CDH6: variants seen among roughly 807,000 people sequenced by gnomAD.
CDH6 encodes the protein cadherin 6, also known as cadherin-6.
In CDH6, 31 loss-of-function variants were observed where a neutral mutation model predicts 78.0. The ratio of observed to expected loss-of-function variants is 0.40; its 90% CI spans 0.30 to 0.54. The LOEUF (loss-of-function observed/expected upper bound fraction) is 0.54. Among genes scored for constraint, CDH6 ranks in the 20% least tolerant of loss-of-function variants. The pLI is 0.56. For synonymous variants in CDH6, 376 were observed against 368.8 expected (o/e 1.02, Z -0.23); for missense variants, 724 against 975.9 (o/e 0.74, Z 3.44).
At chr5:31,288,328 A>G (rs1743064567) in intron 2 of CDH6, among the ~76,000 whole-genome samples, 1 of 152,222 alleles carries the variant, frequency 6.6e-6, no homozygotes, top group Admixed American at 6.5e-5. Context: ...ATTAACATTC[A>G]AATACAGCAG....
chr5:31,194,197 G>A (rs1740097843), intron 1 of CDH6, among the ~76,000 whole-genome samples: 1 of 152,182 alleles, frequency 6.6e-6, no homozygotes, highest in African/African-American at 2.4e-5. Flanking sequence ...GGCCGCCGCA[G>A]AAGAACCCGC....
chr5:31,310,591 C>A (rs562698234), intron 7 of CDH6, among the ~76,000 whole-genome samples: 70 of 152,354 alleles, frequency 4.6e-4, no homozygotes, highest in Non-Finnish European at 8.4e-4. Flanking sequence ...AGAGGTACTC[C>A]ATGATGTCTC....
chr5:31,293,879 T>C (rs957284083), intron 2 of CDH6, 83 bp from the exon 3 acceptor site: 10 of 836,780 alleles, frequency 1.2e-5, no homozygotes, highest in Admixed American at 2.8e-5. Context: ...TAAAAGTTAA[T>C]GTAGCATGCA....
At chr5:31,308,920 A>G (rs1299426019) in intron 7 of CDH6, among the ~76,000 whole-genome samples, 1 of 152,126 alleles carries the variant, frequency 6.6e-6, no homozygotes, top group Non-Finnish European at 1.5e-5. Flanking sequence ...ATGAGAAAAA[A>G]TATATATCTA....
intron 1 of CDH6, among the ~76,000 whole-genome samples, chr5:31,246,116 T>A (rs1283545157): frequency 6.6e-6 from 1 of 151,916 alleles, no homozygotes; most frequent in Non-Finnish European, 1.5e-5. Flanking sequence ...TTCACTATGT[T>A]GGCCAGGATT....
At chr5:31,265,759 T>C (rs1742325992) in intron 1 of CDH6, among the ~76,000 whole-genome samples, 1 of 150,216 alleles carries the variant, frequency 6.7e-6, no homozygotes, top group South Asian at 2.1e-4. Context: ...TTAGTATTAT[T>C]TAAGACAATG....
intron 6 of CDH6, among the ~76,000 whole-genome samples, chr5:31,302,964 A>AAAGAAAG (rs1238222776): frequency 1.8e-5 from 2 of 111,678 alleles, no homozygotes; most frequent in African/African-American, 3.3e-5. Context: ...AGAAGGAAAG[A>AAAGAAAG]AAAGAAAGAA....
At chr5:31,292,195 C>A (rs1743184842) in intron 2 of CDH6, among the ~76,000 whole-genome samples, 2 of 152,146 alleles carry the variant, frequency 1.3e-5, no homozygotes, top group Non-Finnish European at 2.9e-5. Context: ...CCCAAAGTAT[C>A]TTTTTTGGAA....
In CDH6 at chr5:31,298,156, G is replaced by A. The variant is rs1737663076; in HGVS notation, c.643+748G>A. Among the ~76,000 whole-genome samples, 3 of 152,264 alleles carry A rather than the reference G, an allele frequency of 2.0e-5. 1 individual carries two copies. The highest frequency in any genetic ancestry group is 7.2e-5 in the African/African-American group (3 of 41,566). ...CTGTTTTCTGTATTTTCTCCACAAAGTAGCAACCTATCTTATAATGATTTG... is the reference window on the plus strand; with the variant it reads ...CTGTTTTCTGTATTTTCTCCACAAAATAGCAACCTATCTTATAATGATTTG... On this transcript the variant is annotated intron_variant, in intron 4 of 11. Transcript: ENST00000265071.
chr5:31,292,907 T>C (rs552941897), intron 2 of CDH6, among the ~76,000 whole-genome samples: 2 of 148,432 alleles, frequency 1.3e-5, no homozygotes, highest in East Asian at 4.0e-4. Flanking sequence ...CCTATAGACC[T>C]ATAGTTAGGT....
intron 1 of CDH6, chr5:31,250,269 C>A (rs911413951): frequency 6.6e-6 from 1 of 152,354 alleles, no homozygotes; most frequent in Non-Finnish European, 1.5e-5. Flanking sequence ...GGCAAGGCAA[C>A]TTGTGCATGG....
intron 1 of CDH6, among the ~76,000 whole-genome samples, chr5:31,218,870 C>T (rs1740935016): frequency 6.6e-6 from 1 of 152,202 alleles, no homozygotes; most frequent in Non-Finnish European, 1.5e-5. Context: ...CCACTCTCAT[C>T]CCCTACCACT....
intron 1 of CDH6, among the ~76,000 whole-genome samples, chr5:31,246,648 T>C (rs995414185): frequency 1.3e-5 from 2 of 152,344 alleles, no homozygotes; most frequent in African/African-American, 4.8e-5. Flanking sequence ...AAACATGATT[T>C]TGGCAATAAA....
intron 5 of CDH6, 53 bp from the exon 6 acceptor site, chr5:31,302,058 G>A: frequency 1.6e-6 from 2 of 1,255,502 alleles, no homozygotes; most frequent in Non-Finnish European, 2.2e-6. Context: ...TTTTTATGAT[G>A]ATAAGAGTGT....
chr5:31,228,188 C>T (rs886592524), intron 1 of CDH6, among the ~76,000 whole-genome samples: 6 of 152,202 alleles, frequency 3.9e-5, no homozygotes, highest in African/African-American at 1.4e-4. Flanking sequence ...ACCCACCTGC[C>T]TCCCTCTTTT....
rs190641601 is a variant in CDH6 at position 31,320,611 on chromosome 5, C to T, written c.1883-2207C>T. 3.9e-5 allele frequency among the ~76,000 whole-genome samples: 6 copies of T among 152,260 alleles called. No individual in the cohort carries two copies. In the East Asian group the frequency reaches 1.2e-3, roughly 29 times the overall value. ...AGTATGAAAGGTAGATCATGAGCATCCCTCTGCCCAAAGCCCTGCAGTGCT... is the reference window on the plus strand; with the variant it reads ...AGTATGAAAGGTAGATCATGAGCATTCCTCTGCCCAAAGCCCTGCAGTGCT... On this transcript the variant is annotated intron_variant, in intron 11 of 11. Coordinates refer to ENST00000265071, the MANE Select transcript of CDH6 (RefSeq NM_004932.4).
intron 1 of CDH6, among the ~76,000 whole-genome samples, chr5:31,248,563 C>T (rs1214787031): frequency 2.0e-5 from 3 of 152,156 alleles, no homozygotes; most frequent in East Asian, 3.8e-4. Flanking sequence ...ATTCTTGAGA[C>T]TTCGGGTTAA....
rs982918594 is a variant in CDH6, at chr5:31,296,096, C to T, written c.524-1193C>T. Among the ~76,000 whole-genome samples the T allele has an allele frequency of 5.9e-5, 9 of 152,146 alleles. No homozygotes were observed. The South Asian group carries it at 1.9e-3, about 32-fold the overall frequency. On this transcript the variant is annotated intron_variant, in intron 3 of 11. Transcript: ENST00000265071. ...GCATCCAACCCTAACATACTACAAT[C>T]TATTTCTTCAATAAGTGAAATTGGC...
intron 7 of CDH6, among the ~76,000 whole-genome samples, chr5:31,307,106 T>A (rs997581464): frequency 1.3e-5 from 2 of 151,992 alleles, no homozygotes; most frequent in African/African-American, 4.8e-5. Context: ...CCAGAGAGGT[T>A]TGATAGCTGA....
Sources: allele counts gnomAD v4.1 joint callset (sites outside exome capture counted in the v4.1 genomes callset), GRCh38; gene constraint gnomAD v4.1.1; transcripts MANE v1.5; gene names NCBI Gene and HGNC (gene_info 2026-07-23, HGNC 2026-07-21).